ECM2: variants seen among roughly 807,000 people sequenced by gnomAD.
The protein encoded by ECM2 is extracellular matrix protein 2, female organ and adipocyte specific.
A neutral mutation model predicts 67.5 loss-of-function variants in ECM2; 57 were observed. That is an observed-to-expected ratio of 0.84 (90% CI 0.68 to 1.05). The LOEUF (loss-of-function observed/expected upper bound fraction) is 1.05, where lower values mean the gene tolerates loss of function less well. Among genes scored for constraint, ECM2 ranks in the 50% least tolerant of loss-of-function variants. The probability of loss-of-function intolerance (pLI) is 0.00; values close to 1 mark genes in which losing one functional copy is unlikely to be tolerated. For synonymous variants in ECM2, 258 were observed against 294.5 expected (o/e 0.88, Z 1.27); for missense variants, 741 against 822.8 (o/e 0.90, Z 1.22).
At chr9:92,554,918 G>A in the ECM2 span, among the ~76,000 whole-genome samples, 61 of 152,224 alleles carry the variant, frequency 4.0e-4, no homozygotes, top group African/African-American at 1.4e-3. Context: ...TTACAGGCAT[G>A]AGCCACTGCG....
the ECM2 span, among the ~76,000 whole-genome samples, chr9:92,551,203 C>T: frequency 1.3e-5 from 2 of 152,102 alleles, no homozygotes; most frequent in Non-Finnish European, 2.9e-5. Flanking sequence ...GGATTGGAAG[C>T]CAGGAATTAT....
intron 8 of ECM2, among the ~76,000 whole-genome samples, chr9:92,501,600 C>G (rs771431736): frequency 2.0e-5 from 3 of 152,166 alleles, no homozygotes; most frequent in Non-Finnish European, 4.4e-5. Context: ...ATCTGGGGAA[C>G]GTGGTGAACT....
chr9:92,499,313 GC>G (rs1389522449), intron 9 of ECM2, among the ~76,000 whole-genome samples: 1 of 152,146 alleles, frequency 6.6e-6, no homozygotes, highest in African/African-American at 2.4e-5. Context: ...AAAGAACTGA[GC>G]TTTTTTCTTT....
chr9:92,556,465 G>A, the ECM2 span, among the ~76,000 whole-genome samples: 29 of 152,212 alleles, frequency 1.9e-4, no homozygotes, highest in East Asian at 4.6e-3. Flanking sequence ...GTTGCTGTCT[G>A]TCTCATTTCT....
At chr9:92,515,944 T>C (rs1847676989) in intron 3 of ECM2, among the ~76,000 whole-genome samples, 2 of 152,182 alleles carry the variant, frequency 1.3e-5, no homozygotes, top group Non-Finnish European at 2.9e-5. Flanking sequence ...AGACAGTTAA[T>C]CTACATTTAT....
At chr9:92,507,757 G>A (rs1847094395) in intron 6 of ECM2, among the ~76,000 whole-genome samples, 1 of 152,172 alleles carries the variant, frequency 6.6e-6, no homozygotes, top group African/African-American at 2.4e-5. Flanking sequence ...GTTTTCCTCA[G>A]CTGTCCCTCC....
chr9:92,511,182 A>G (rs981892374), intron 5 of ECM2, among the ~76,000 whole-genome samples: 5 of 151,924 alleles, frequency 3.3e-5, no homozygotes, highest in Non-Finnish European at 7.4e-5. Flanking sequence ...CTGGAGTGCA[A>G]TGGCGCGATC....
chr9:92,522,912 T>C lies in ECM2; in HGVS notation c.-27-19A>G. On this transcript the variant is annotated intron_variant, in intron 1 of 9. Coordinates refer to ENST00000344604, the MANE Select transcript of ECM2 (RefSeq NM_001393.4). ...CCAATTTCTAGAATGAAACAATATT[T>C]CAAAGTTAGTGGTGACTAAATTTTT... 6.5e-7 allele frequency: 1 copy of C among 1,543,798 alleles called. No homozygotes were observed.
rs1256906428 is a variant in ECM2, at chr9:92,495,609, TA to T, written c.*705del. On this transcript the variant is annotated 3_prime_UTR_variant, in exon 10 of 10. Coordinates refer to ENST00000344604, the MANE Select transcript of ECM2 (RefSeq NM_001393.4). ...GTAATCTTAATATACTGTTTAACTT[TA>T]AAAAATAATTTTAGAATTATAGAAA... 1.0e-6 allele frequency: 1 copy of T among 961,594 alleles called. No homozygotes were observed. Among genetic ancestry groups the T allele is most frequent in the Non-Finnish European group, 1.2e-6 (1 of 808,222 alleles). The allele number at this position is 961,594 out of a possible 1,614,324, so 59.6% of individuals were successfully genotyped here.
In ECM2 at chr9:92,527,003, A is replaced by ATTAT. The variant is rs554133945; in HGVS notation, c.-27-4114_-27-4111dup. ...ACCTTTCCTATGTGTAGATATGTTT[A>ATTAT]TTATTTATTTATTTATTTATTTAGA... On this transcript the variant is annotated intron_variant, in intron 1 of 9. Transcript: ENST00000344604. Among the ~76,000 whole-genome samples the ATTAT allele has an allele frequency of 7.6e-3, 1,132 of 149,454 alleles. 15 individuals are homozygous for ATTAT. Among genetic ancestry groups the ATTAT allele is most frequent in the African/African-American group, 0.025 (1,027 of 40,586 alleles).
At chr9:92,557,960 A>C in the ECM2 span, among the ~76,000 whole-genome samples, 5 of 152,090 alleles carry the variant, frequency 3.3e-5, no homozygotes, top group Non-Finnish European at 7.4e-5. Flanking sequence ...CGCATTTCTA[A>C]AAGTGTGTCC....
intron 1 of ECM2, among the ~76,000 whole-genome samples, chr9:92,529,084 T>TGAC (rs1319494175): frequency 6.6e-6 from 1 of 152,018 alleles, no homozygotes; most frequent in Non-Finnish European, 1.5e-5. Context: ...AGAGAAAAAA[T>TGAC]ACATGACAAG....
chr9:92,529,893 C>A (rs1848643191), intron 1 of ECM2, among the ~76,000 whole-genome samples: 3 of 152,186 alleles, frequency 2.0e-5, no homozygotes, highest in Non-Finnish European at 4.4e-5. Flanking sequence ...GGTTCTGCAT[C>A]TGTGGATTCA....
chr9:92,549,069 A>T, the ECM2 span, among the ~76,000 whole-genome samples: 1 of 152,210 alleles, frequency 6.6e-6, no homozygotes, highest in Non-Finnish European at 1.5e-5. Context: ...GCACAGAAAG[A>T]CAGCAAAATA....
chr9:92,534,360 C>G (rs902084990), intron 1 of ECM2, among the ~76,000 whole-genome samples: 1 of 152,196 alleles, frequency 6.6e-6, no homozygotes, highest in East Asian at 1.9e-4. Flanking sequence ...GAATCATCTT[C>G]CTCTAGTCAG....
intron 2 of ECM2, among the ~76,000 whole-genome samples, chr9:92,521,841 T>A (rs1342531860): frequency 6.6e-6 from 1 of 152,176 alleles, no homozygotes; most frequent in Admixed American, 6.5e-5. Context: ...AATAATTTAT[T>A]TCTGTATTCT....
intron 2 of ECM2, among the ~76,000 whole-genome samples, chr9:92,521,887 TA>T (rs770812365): frequency 6.6e-5 from 10 of 152,206 alleles, no homozygotes; most frequent in Non-Finnish European, 1.5e-4. Flanking sequence ...AGGTAGTTTA[TA>T]AATGTTTATG....
chr9:92,501,200 G>A (rs190254490), intron 8 of ECM2, 147 bp from the exon 9 acceptor site: 1 of 797,298 alleles, frequency 1.3e-6, no homozygotes, highest in Non-Finnish European at 1.9e-6. Flanking sequence ...ACTTTTCCAG[G>A]TATAGCCAGC....
chr9:92,511,428 T>A lies in ECM2; in HGVS notation c.1170+583A>T, dbSNP rs569320152. Among the ~76,000 whole-genome samples the A allele has an allele frequency of 9.0e-5, 5 of 55,762 alleles. No individual in the cohort carries two copies. In the African/African-American group the frequency reaches 9.5e-4, roughly 11 times the overall value. 36.6% of individuals were successfully genotyped at this position (55,762 alleles called of 152,430 possible). A position where few individuals can be genotyped will look rare whatever the true frequency, so the allele number is the denominator to read the frequency against. ...GCATGAGCCACTGTGCCTGGCCTGT[T>A]TTTTTTTTTTTTTAAATATATAATT... On this transcript the variant is annotated intron_variant, in intron 5 of 9. Coordinates refer to ENST00000344604, the MANE Select transcript of ECM2 (RefSeq NM_001393.4).
Sources: allele counts gnomAD v4.1 joint callset (sites outside exome capture counted in the v4.1 genomes callset), GRCh38; gene constraint gnomAD v4.1.1; transcripts MANE v1.5; gene names NCBI Gene and HGNC (gene_info 2026-07-23, HGNC 2026-07-21).